The following JMY variants were observed in gnomAD, a reference collection of about 807,000 sequenced individuals.
JMY encodes the protein junction-mediating and -regulatory protein.
In JMY, 46 loss-of-function variants were observed where a neutral mutation model predicts 103.3. The observed-to-expected ratio is 0.45, with a 90% CI of 0.35 to 0.57. The LOEUF is 0.57. Ranked by LOEUF, JMY falls within the 20% of genes least tolerant of loss-of-function variation. The probability of loss-of-function intolerance (pLI) is 0.00; values close to 1 mark genes in which losing one functional copy is unlikely to be tolerated. For synonymous variants in JMY, 526 were observed against 489.3 expected, an observed-to-expected ratio of 1.07 and a Z score of -0.99; for missense variants, 1,238 against 1,255.2, an observed-to-expected ratio of 0.99 and a Z score of 0.21.
chr5:79,307,121 G>A (rs1388032552), intron 7 of JMY, among the ~76,000 whole-genome samples: 2 of 152,164 alleles, frequency 1.3e-5, no homozygotes, highest in African/African-American at 4.8e-5. Context: ...CCATTGTGTG[G>A]ATGTCTCAGT....
chr5:79,260,577 G>C (rs990416112), intron 1 of JMY, among the ~76,000 whole-genome samples: 2 of 148,764 alleles, frequency 1.3e-5, no homozygotes, highest in Non-Finnish European at 3.0e-5. Flanking sequence ...TTTTTGTAGA[G>C]ACGGGGTTTT....
At position 79,254,066 on chromosome 5, in the gene JMY, G is replaced by A. The variant is rs551496836; in HGVS notation, c.1032+16384G>A. Among the ~76,000 whole-genome samples the A allele has an allele frequency of 3.3e-5, 5 of 150,386 alleles. No individual in the cohort carries two copies. In the South Asian group the frequency reaches 6.3e-4, roughly 19 times the overall value. ...AGGTTCAAATGATGCTCCTGCCTCA[G>A]CCTCCTGAGTAGCTGGATTACAGGT... On this transcript the variant is annotated intron_variant, in intron 1 of 10. Coordinates refer to ENST00000396137, the MANE Select transcript of JMY (RefSeq NM_152405.5).
intron 1 of JMY, among the ~76,000 whole-genome samples, chr5:79,259,885 C>T (rs983898796): frequency 2.6e-5 from 4 of 152,210 alleles, no homozygotes; most frequent in African/African-American, 4.8e-5. Flanking sequence ...GCTTGGGCAG[C>T]TGTAGCCACC....
intron 6 of JMY, among the ~76,000 whole-genome samples, chr5:79,302,086 A>AG (rs1746752338): frequency 6.6e-6 from 1 of 151,002 alleles, no homozygotes; most frequent in Non-Finnish European, 1.5e-5. Context: ...TCCGTCTCAA[A>AG]AAAAAAAAAA....
intron 1 of JMY, among the ~76,000 whole-genome samples, chr5:79,275,778 A>G (rs975784544): frequency 6.6e-6 from 1 of 152,244 alleles, no homozygotes; most frequent in South Asian, 2.1e-4. Context: ...AATGATAGCT[A>G]ATATTTGTTT....
At position 79,314,686 on chromosome 5, in the gene JMY, A is replaced by G. The variant is rs751765045; in HGVS notation, c.2494A>G (p.Ser832Gly). 6.7e-7 allele frequency: 1 copy of G among 1,496,294 alleles called. No individual in the cohort carries two copies. 92.7% of individuals were successfully genotyped at this position (1,496,294 alleles called of 1,614,324 possible). A position where few individuals can be genotyped will look rare whatever the true frequency, so the allele number is the denominator to read the frequency against. Residue 832 changes from serine to glycine, a missense_variant, in exon 9 of 11, where the codon AGT (serine) becomes GGT (glycine). Transcript: ENST00000396137. ...ACCACCTCTGCCTGTTGCTAAGGAC[A>G]GTGGCCCAGAGACACTGGAGAAAGA... is the stretch of plus-strand genomic sequence containing the variant. ...PPPPLPVAKD[S>G]GPETLEKDLP...
At chr5:79,274,932 T>C (rs182140196) in intron 1 of JMY, among the ~76,000 whole-genome samples, 47 of 152,310 alleles carry the variant, frequency 3.1e-4, no homozygotes, top group African/African-American at 1.1e-3. Flanking sequence ...GAAATATTTA[T>C]TGTTTTGTTT....
chr5:79,270,312 A>AAT (rs1300173218), intron 1 of JMY, among the ~76,000 whole-genome samples: 3 of 144,832 alleles, frequency 2.1e-5, no homozygotes, highest in Non-Finnish European at 4.5e-5. Flanking sequence ...AAATATTTAA[A>AAT]ATATATATTT....
In JMY at chr5:79,237,230, G is replaced by A; in HGVS notation, c.580G>A (p.Glu194Lys). Residue 194 changes from glutamate (E) to lysine (K), a missense_variant, in exon 1 of 11, where the codon GAG becomes AAG. Physicochemically the swap from Glu to Lys is moderately conservative, Grantham distance 56. Coordinates refer to ENST00000396137, the MANE Select transcript of JMY (RefSeq NM_152405.5). ...SASGTVSEEIEVLEMVKEDEA... is the reference protein window; with the variant it reads ...SASGTVSEEIKVLEMVKEDEA... ...CTCTGGGACGGTCTCCGAGGAGATA[G>A]AGGTGCTGGAAATGGTGAAGGAGGA... 6 of 1,550,684 alleles carry A rather than the reference G, an allele frequency of 3.9e-6. No homozygotes were observed. Among genetic ancestry groups the A allele is most frequent in the Non-Finnish European group, 5.2e-6 (6 of 1,146,950 alleles).
intron 1 of JMY, among the ~76,000 whole-genome samples, chr5:79,239,404 G>A (rs1414818322): frequency 6.6e-6 from 1 of 152,146 alleles, no homozygotes; most frequent in Non-Finnish European, 1.5e-5. Context: ...AGAACCGTTA[G>A]TGCTTCTTTC....
Position 79,237,270 on chromosome 5 carries a change from C to T in JMY, c.620C>T (p.Ala207Val), listed in dbSNP as rs1184319676. ...GTGAAGGAGGACGAGGCACCTCTGG[C>T]GCTCTCGGACGCGGAGCAGCCGCCG... ...EMVKEDEAPL[A>V]LSDAEQPPPA... The change falls in exon 1 of 11, where the codon GCG becomes GTG. Residue 207 changes from alanine to valine, a missense_variant. Physicochemically the swap from Ala to Val is moderately conservative, Grantham distance 64. Coordinates refer to ENST00000396137, the MANE Select transcript of JMY (RefSeq NM_152405.5). 6 of 1,552,126 alleles carry T rather than the reference C, an allele frequency of 3.9e-6. No individual in the cohort carries two copies. In the South Asian group the frequency reaches 5.9e-5, roughly 15 times the overall value.
chr5:79,242,581 G>A (rs1048282900), intron 1 of JMY, among the ~76,000 whole-genome samples: 2 of 152,092 alleles, frequency 1.3e-5, no homozygotes, highest in Admixed American at 6.6e-5. Context: ...CTTCACCAAG[G>A]CTAAACAGCT....
chr5:79,318,759 TATAGAGAGAGAGAGAG>T (rs1425782348), intron 10 of JMY, among the ~76,000 whole-genome samples: 2 of 20,574 alleles, frequency 9.7e-5, no homozygotes, highest in South Asian at 9.4e-4. Flanking sequence ...TATATATATA[TATAGAGAGAGAGAGAG>T]AGAGAGAGAG....
rs896753862 is a variant in JMY at position 79,236,515 on chromosome 5, C to T, written c.-136C>T. 11 of 602,556 alleles carry T rather than the reference C, an allele frequency of 1.8e-5. No individual in the cohort carries two copies. Among genetic ancestry groups the T allele is most frequent in the Non-Finnish European group, 2.8e-5 (11 of 398,110 alleles). 37.3% of individuals were successfully genotyped at this position (602,556 alleles called of 1,614,324 possible). On this transcript the variant is annotated 5_prime_UTR_variant, in exon 1 of 11. Transcript: ENST00000396137. ...GGCGCGGAGGGACAGGCGAACGAGC[C>T]GGGAGAGCCGGCCGGCGCACTAAGA...
rs1467536317 is a variant in JMY at position 79,314,787 on chromosome 5, C to T, written c.2595C>T (p.Ser865=). ...CCCCCTCAGCACACCTCTTTGACAG[C>T]AGCCAGCTGGTCAGTGCACGGAAGA... ...ASAPSAHLFD[S]SQLVSARKKL... The change falls in exon 9 of 11, where the codon AGC becomes AGT. Residue 865 remains serine (S), a synonymous_variant. Coordinates refer to ENST00000396137, the MANE Select transcript of JMY (RefSeq NM_152405.5). 1 of 1,612,198 alleles carries T rather than the reference C, an allele frequency of 6.2e-7. No individual in the cohort carries two copies. Among genetic ancestry groups the T allele is most frequent in the Admixed American group, 1.7e-5 (1 of 59,836 alleles).
intron 4 of JMY, among the ~76,000 whole-genome samples, chr5:79,293,344 T>C (rs1746476437): frequency 6.6e-6 from 1 of 151,968 alleles, no homozygotes; most frequent in South Asian, 2.1e-4. Flanking sequence ...TAACTGCTCT[T>C]AGGAGTTGAT....
chr5:79,262,540 TTG>T (rs1475376238), intron 1 of JMY, among the ~76,000 whole-genome samples: 2 of 152,238 alleles, frequency 1.3e-5, no homozygotes, highest in Admixed American at 1.3e-4. Flanking sequence ...GCTTAGTAAA[TTG>T]TATCTTTTGA....
At chr5:79,245,815 G>T (rs958452798) in intron 1 of JMY, among the ~76,000 whole-genome samples, 1 of 151,994 alleles carries the variant, frequency 6.6e-6, no homozygotes, top group Admixed American at 6.6e-5. Context: ...TAATAGAGAC[G>T]GGTTTTCACT....
chr5:79,269,791 C>A (rs1036132266), intron 1 of JMY, among the ~76,000 whole-genome samples: 1 of 151,508 alleles, frequency 6.6e-6, no homozygotes, highest in Non-Finnish European at 1.5e-5. Context: ...AGTGCAGTGG[C>A]GCAATCATAG....
Sources: allele counts gnomAD v4.1 joint callset (sites outside exome capture counted in the v4.1 genomes callset), GRCh38; gene constraint gnomAD v4.1.1; transcripts MANE v1.5; gene names NCBI Gene and HGNC (gene_info 2026-07-23, HGNC 2026-07-21).